The following ACTR3C variants were observed in gnomAD, a reference collection of about 807,000 sequenced individuals.
The protein encoded by ACTR3C is actin-related protein 3C.
Under a neutral mutation model 26.3 loss-of-function variants are expected in ACTR3C, and 18 were observed. That is an observed-to-expected ratio of 0.68 (90% CI 0.47 to 1.01). The LOEUF (loss-of-function observed/expected upper bound fraction) is 1.01. ACTR3C is among the 50% of genes least tolerant of loss of function. The pLI, the probability that ACTR3C is intolerant of heterozygous loss-of-function variation, is 0.00. For synonymous variants in ACTR3C, 55 were observed against 94.5 expected, an observed-to-expected ratio of 0.58 and a Z score of 2.42; for missense variants, 184 against 250.7, an observed-to-expected ratio of 0.73 and a Z score of 1.80.
the ACTR3C span, among the ~76,000 whole-genome samples, chr7:150,219,520 G>A: frequency 7.0e-6 from 1 of 143,328 alleles, no homozygotes; most frequent in African/African-American, 3.0e-5. Context: ...ATGGCAGATA[G>A]GTGAGGCGTA....
the ACTR3C span, among the ~76,000 whole-genome samples, chr7:150,031,747 A>T: frequency 3.9e-5 from 6 of 152,118 alleles, no homozygotes; most frequent in African/African-American, 1.4e-4. Flanking sequence ...TACTAGGACC[A>T]TGGTGTAACT....
chr7:150,061,462 C>T, the ACTR3C span, among the ~76,000 whole-genome samples: 1 of 148,112 alleles, frequency 6.8e-6, no homozygotes, highest in Admixed American at 6.8e-5. Context: ...AAGAGATCCA[C>T]CGGGCACCTC....
the ACTR3C span, among the ~76,000 whole-genome samples, chr7:150,037,147 G>C: frequency 4.4e-4 from 30 of 68,960 alleles, no homozygotes; most frequent in African/African-American, 1.7e-3. Flanking sequence ...TGCCTCGTGG[G>C]GGGTGCCTCC....
the ACTR3C span, among the ~76,000 whole-genome samples, chr7:149,914,603 T>TAA: frequency 4.6e-4 from 59 of 128,354 alleles, no homozygotes; most frequent in African/African-American, 1.4e-3. Context: ...ACAGAAGTAG[T>TAA]AAAAAAAAAA....
At chr7:150,037,089 T>C in the ACTR3C span, among the ~76,000 whole-genome samples, 1 of 84,326 alleles carries the variant, frequency 1.2e-5, no homozygotes, top group East Asian at 3.3e-4. Flanking sequence ...CCTCGTGCGA[T>C]GGGGGTCCTA....
intron 6 of ACTR3C, among the ~76,000 whole-genome samples, chr7:150,275,163 T>C (rs1216329335): frequency 5.3e-5 from 8 of 152,174 alleles, no homozygotes; most frequent in Non-Finnish European, 1.0e-4. Flanking sequence ...GTCCTGGTAA[T>C]GCAATAAATC....
chr7:149,934,388 T>G, the ACTR3C span, among the ~76,000 whole-genome samples: 1 of 152,198 alleles, frequency 6.6e-6, no homozygotes, highest in African/African-American at 2.4e-5. Context: ...TGTGCCAGGC[T>G]CTTGGTGCAA....
At chr7:149,898,814 C>A in the ACTR3C span, among the ~76,000 whole-genome samples, 1 of 152,144 alleles carries the variant, frequency 6.6e-6, no homozygotes, top group Admixed American at 6.5e-5. Context: ...CAACTGTATC[C>A]ATACAAGAGA....
the ACTR3C span, among the ~76,000 whole-genome samples, chr7:150,169,502 A>G: frequency 6.6e-6 from 1 of 150,386 alleles, no homozygotes; most frequent in Admixed American, 6.6e-5. Context: ...AGAATTCAGC[A>G]AGAAGCTTAT....
the ACTR3C span, among the ~76,000 whole-genome samples, chr7:150,161,580 A>G: frequency 1.3e-4 from 20 of 152,164 alleles, no homozygotes; most frequent in Non-Finnish European, 2.2e-4. Context: ...TCCATGGTGC[A>G]TGTGTGCCAC....
chr7:150,036,166 C>T, the ACTR3C span, among the ~76,000 whole-genome samples: 121 of 130,076 alleles, frequency 9.3e-4, 12 homozygotes, highest in Non-Finnish European at 1.4e-3. Flanking sequence ...GTGCCTCCCC[C>T]CCCGCGATGG....
chr7:150,322,319 G>A (rs1030006263), intron 1 of ACTR3C, among the ~76,000 whole-genome samples: 1 of 152,252 alleles, frequency 6.6e-6, no homozygotes, highest in East Asian at 1.9e-4. Flanking sequence ...TGAGACAGAA[G>A]GTTGGCACAA....
chr7:149,929,696 A>G, the ACTR3C span, among the ~76,000 whole-genome samples: 2 of 151,922 alleles, frequency 1.3e-5, no homozygotes, highest in African/African-American at 4.8e-5. Flanking sequence ...ACACCCAGCT[A>G]ATTTTTGTAT....
At chr7:149,912,262 T>A in the ACTR3C span, among the ~76,000 whole-genome samples, 1 of 151,844 alleles carries the variant, frequency 6.6e-6, no homozygotes, top group Non-Finnish European at 1.5e-5. Flanking sequence ...CAGGAAAAGG[T>A]CAGACTACAA....
At chr7:150,199,462 A>ACACTGC in the ACTR3C span, among the ~76,000 whole-genome samples, 61 of 101,908 alleles carry the variant, frequency 6.0e-4, no homozygotes, top group African/African-American at 2.3e-3. Context: ...AGGGACACAA[A>ACACTGC]CACTGCGGAA....
chr7:150,265,836 C>T (rs540141613), intron 6 of ACTR3C, among the ~76,000 whole-genome samples: 19 of 151,606 alleles, frequency 1.3e-4, no homozygotes, highest in Non-Finnish European at 1.8e-4. Context: ...CCCTCCCACA[C>T]GCACACACAT....
rs774615152 is a variant in ACTR3C at position 150,306,800 on chromosome 7, AATG to A, written c.-51-11456_-51-11454del. Among the ~76,000 whole-genome samples, 3 of 152,236 alleles carry A rather than the reference AATG, an allele frequency of 2.0e-5. No homozygotes were observed. In the East Asian group the frequency reaches 5.8e-4, roughly 29 times the overall value. On this transcript the variant is annotated intron_variant, in intron 1 of 7. Coordinates refer to ENST00000683684, the MANE Select transcript of ACTR3C (RefSeq NM_001164458.2). ...TACATATGTGTGATGAGACATAGAC[AATG>A]ATATTTGTGTAGCAAAAACAAATGA...
the ACTR3C span, among the ~76,000 whole-genome samples, chr7:150,124,584 A>T: frequency 6.6e-6 from 1 of 151,260 alleles, no homozygotes; most frequent in African/African-American, 2.4e-5. Flanking sequence ...CACATTCTAC[A>T]CTCTCCCCTG....
chr7:150,202,741 A>G, the ACTR3C span, among the ~76,000 whole-genome samples: 25,924 of 152,206 alleles, frequency 0.17, 3,519 homozygotes, highest in African/African-American at 0.37. Context: ...GAAATAGAAC[A>G]TTGGTATTGG....
Sources: allele counts gnomAD v4.1 joint callset (sites outside exome capture counted in the v4.1 genomes callset), GRCh38; gene constraint gnomAD v4.1.1; transcripts MANE v1.5; gene names NCBI Gene and HGNC (gene_info 2026-07-23, HGNC 2026-07-21).